The following IL20RA variants were observed in gnomAD, a reference collection of about 807,000 sequenced individuals.
The protein encoded by IL20RA is interleukin 20 receptor subunit alpha, also known as interleukin-20 receptor subunit alpha.
A neutral mutation model predicts 36.5 loss-of-function variants in IL20RA; 29 were observed. That is an observed-to-expected ratio of 0.79 (90% CI 0.59 to 1.08). IL20RA has a LOEUF of 1.08. Ranked by LOEUF, IL20RA falls within the 50% of genes least tolerant of loss-of-function variation. The pLI, the probability that IL20RA is intolerant of heterozygous loss-of-function variation, is 0.00. For synonymous variants in IL20RA, 279 were observed against 267.1 expected (o/e 1.04, Z -0.43); for missense variants, 652 against 668.4 (o/e 0.98, Z 0.27).
intron 2 of IL20RA, 121 bp from the exon 3 acceptor site, chr6:137,011,573 C>G (rs1775502468): frequency 4.8e-6 from 3 of 618,584 alleles, no homozygotes; most frequent in African/African-American, 1.8e-5. Flanking sequence ...ACAAAAGTGC[C>G]TGTCATTGAG....
At chr6:137,035,949 A>G (rs993892091) in intron 1 of IL20RA, among the ~76,000 whole-genome samples, 4 of 152,212 alleles carry the variant, frequency 2.6e-5, no homozygotes, top group Non-Finnish European at 4.4e-5. Context: ...GGAACAAGGG[A>G]GAGGATTTCT....
intron 2 of IL20RA, among the ~76,000 whole-genome samples, chr6:137,011,989 T>A (rs901656109): frequency 1.1e-4 from 16 of 152,206 alleles, no homozygotes; most frequent in Non-Finnish European, 1.8e-4. Flanking sequence ...GATGATAATA[T>A]TGACTAGATT....
At chr6:137,014,229 A>T (rs1775593749) in intron 2 of IL20RA, among the ~76,000 whole-genome samples, 1 of 152,302 alleles carries the variant, frequency 6.6e-6, no homozygotes, top group African/African-American at 2.4e-5. Flanking sequence ...TCAAAGACAA[A>T]ACTGACTTTA....
At chr6:137,030,452 G>C (rs1776241404) in intron 1 of IL20RA, among the ~76,000 whole-genome samples, 1 of 151,988 alleles carries the variant, frequency 6.6e-6, no homozygotes, top group African/African-American at 2.4e-5. Flanking sequence ...AGGCTATTTG[G>C]CAAAGAATAA....
chr6:137,044,365 C>T, intron 1 of IL20RA: 4 of 1,062,516 alleles, frequency 3.8e-6, no homozygotes, highest in Non-Finnish European at 4.6e-6. Context: ...CCGAACTCCC[C>T]CCACCCCACC....
At chr6:137,021,779 A>G (rs1775915906) in intron 1 of IL20RA, among the ~76,000 whole-genome samples, 1 of 151,934 alleles carries the variant, frequency 6.6e-6, no homozygotes, top group Non-Finnish European at 1.5e-5. Flanking sequence ...TATTTAGTCG[A>G]TATGAGCAAG....
chr6:137,000,331 G>A lies in IL20RA; in HGVS notation c.*1227C>T, dbSNP rs112358703. On this transcript the variant is annotated 3_prime_UTR_variant, in exon 7 of 7. Coordinates refer to ENST00000316649, the MANE Select transcript of IL20RA (RefSeq NM_014432.4). ...CATGACTAAAACAAATATATATTAA[G>A]GCAAACCATATGAAGTTACTGCTTG... 1 of 152,114 alleles carries A rather than the reference G, an allele frequency of 6.6e-6. No homozygotes were observed. The highest frequency in any genetic ancestry group is 6.5e-5 in the Admixed American group (1 of 15,274). The allele number at this position is 152,114 out of a possible 1,614,324, so 9.4% of individuals were successfully genotyped here. A position where few individuals can be genotyped will look rare whatever the true frequency, so the allele number is the denominator to read the frequency against.
intron 1 of IL20RA, among the ~76,000 whole-genome samples, chr6:137,025,489 G>C (rs1002509089): frequency 1.3e-5 from 2 of 152,166 alleles, no homozygotes; most frequent in African/African-American, 4.8e-5. Context: ...TTCTGTTCTA[G>C]CAGCTGGAAT....
intron 1 of IL20RA, among the ~76,000 whole-genome samples, chr6:137,039,564 C>T (rs371147473): frequency 4.1e-4 from 62 of 152,110 alleles, no homozygotes; most frequent in African/African-American, 1.4e-3. Context: ...CTCATCGGTG[C>T]AAAAGAAATT....
At chr6:137,043,422 A>G (rs987563114) in intron 1 of IL20RA, among the ~76,000 whole-genome samples, 1 of 152,204 alleles carries the variant, frequency 6.6e-6, no homozygotes, top group African/African-American at 2.4e-5. Context: ...CTTCGATTAA[A>G]AATAAAAACA....
chr6:137,038,298 C>T (rs983000496), intron 1 of IL20RA, among the ~76,000 whole-genome samples: 2 of 143,790 alleles, frequency 1.4e-5, no homozygotes, highest in African/African-American at 5.3e-5. Context: ...TCACTGCAGC[C>T]CCAAACTCCT....
intron 5 of IL20RA, 31 bp from the exon 6 acceptor site, chr6:137,004,791 G>T (rs780943656): frequency 6.4e-7 from 1 of 1,569,550 alleles, no homozygotes; most frequent in South Asian, 1.2e-5. Flanking sequence ...GTGGGAATTC[G>T]GGGGAAGGGA....
At chr6:137,040,624 C>G (rs1776657306) in intron 1 of IL20RA, among the ~76,000 whole-genome samples, 1 of 152,046 alleles carries the variant, frequency 6.6e-6, no homozygotes, top group African/African-American at 2.4e-5. Context: ...ACAGCATGAG[C>G]AATAAAACTG....
chr6:137,004,266 C>T (rs1562228140), intron 6 of IL20RA, among the ~76,000 whole-genome samples: 1 of 149,248 alleles, frequency 6.7e-6, no homozygotes, highest in Non-Finnish European at 1.5e-5. Flanking sequence ...ATCTTGGTCT[C>T]CCGGGTTCAA....
At chr6:137,002,400 A>C (rs1485977422) in intron 6 of IL20RA, 45 bp from the exon 7 acceptor site, 6 of 1,340,686 alleles carry the variant, frequency 4.5e-6, no homozygotes, top group Non-Finnish European at 6.2e-6. Flanking sequence ...CACTTTAGAG[A>C]GACATTAAAA....
At chr6:137,039,783 T>C (rs1776619762) in intron 1 of IL20RA, among the ~76,000 whole-genome samples, 1 of 152,322 alleles carries the variant, frequency 6.6e-6, no homozygotes, top group Non-Finnish European at 1.5e-5. Flanking sequence ...GAAAACCGTT[T>C]TGTATAGCTC....
At chr6:137,008,117 A>G (rs1300933018) in intron 5 of IL20RA, among the ~76,000 whole-genome samples, 2 of 152,024 alleles carry the variant, frequency 1.3e-5, no homozygotes, top group African/African-American at 4.8e-5. Context: ...ACAGGCATGC[A>G]CTACCAAGCC....
intron 1 of IL20RA, among the ~76,000 whole-genome samples, chr6:137,020,818 A>C (rs1380828366): frequency 6.6e-6 from 1 of 152,230 alleles, no homozygotes; most frequent in Non-Finnish European, 1.5e-5. Flanking sequence ...AAAAAATACT[A>C]CAGCTTTTAG....
At chr6:137,006,102 T>G (rs941749777) in intron 5 of IL20RA, among the ~76,000 whole-genome samples, 1 of 151,614 alleles carries the variant, frequency 6.6e-6, no homozygotes, top group Non-Finnish European at 1.5e-5. Flanking sequence ...CCAGCAGGAG[T>G]GTGACCGGAG....
Sources: gnomAD v4.1 joint callset for allele counts (sites outside exome capture counted in the v4.1 genomes callset) on GRCh38, gnomAD v4.1.1 for gene constraint, MANE v1.5 for transcripts, NCBI Gene and HGNC (gene_info 2026-07-23, HGNC 2026-07-21) for gene names.